The following LRRC41 variants were observed in gnomAD, a reference collection of about 807,000 sequenced individuals.
LRRC41 encodes the protein leucine-rich repeat-containing protein 41.
In LRRC41, 17 loss-of-function variants were observed where a neutral mutation model predicts 72.1. That is an observed-to-expected ratio of 0.24 (90% confidence interval 0.16 to 0.35). The LOEUF is 0.35. Among genes scored for constraint, LRRC41 ranks in the 10% least tolerant of loss-of-function variants. LRRC41 has a pLI of 1.00. For missense variants in LRRC41, 759 were observed against 1,065.0 expected (o/e 0.71, Z 4.00); for synonymous variants, 427 against 431.0 (o/e 0.99, Z 0.11).
chr1:46,284,060 CA>C (rs1164194707), intron 4 of LRRC41: 8 of 152,108 alleles, frequency 5.3e-5, no homozygotes, highest in Non-Finnish European at 5.9e-5. Context: ...GATCTAGTAA[CA>C]AGGAGGACCC....
chr1:46,290,952 T>G (rs1009318725), intron 3 of LRRC41, among the ~76,000 whole-genome samples: 2 of 131,806 alleles, frequency 1.5e-5, no homozygotes, highest in Non-Finnish European at 3.2e-5. Context: ...TTTAAGACAT[T>G]CCTGCTCTGT....
At chr1:46,284,804 T>C (rs1006886862) in intron 4 of LRRC41, among the ~76,000 whole-genome samples, 3 of 152,172 alleles carry the variant, frequency 2.0e-5, no homozygotes, top group Non-Finnish European at 4.4e-5. Flanking sequence ...TTAGTGATCA[T>C]ATAGTAACAC....
chr1:46,278,039 T>A lies in LRRC41; in HGVS notation c.*826A>T. 1 of 1,614,146 alleles carries A rather than the reference T, an allele frequency of 6.2e-7. No homozygotes were observed. Among genetic ancestry groups the A allele is most frequent in the Non-Finnish European group, 8.5e-7 (1 of 1,179,970 alleles). On this transcript the variant is annotated 3_prime_UTR_variant, in exon 10 of 10. Coordinates refer to ENST00000617190, the MANE Select transcript of LRRC41 (RefSeq NM_006369.5). ...ACCCACACAGTAGGGAGATGGGATC[T>A]GTAGTGACTTCAGCTGTGCCTTCTG...
chr1:46,296,140 C>T (rs1255346201), intron 3 of LRRC41, among the ~76,000 whole-genome samples: 2 of 152,178 alleles, frequency 1.3e-5, no homozygotes, highest in East Asian at 1.9e-4. Flanking sequence ...CCTTGCCGGG[C>T]GAGGTGGCTC....
At chr1:46,288,891 C>T (rs1198715436) in intron 3 of LRRC41, among the ~76,000 whole-genome samples, 1 of 152,238 alleles carries the variant, frequency 6.6e-6, no homozygotes, top group Admixed American at 6.5e-5. Flanking sequence ...TCGGTCCTAC[C>T]TCACACTAGC....
intron 3 of LRRC41, among the ~76,000 whole-genome samples, chr1:46,295,882 C>T (rs1375937747): frequency 6.6e-6 from 1 of 152,140 alleles, no homozygotes; most frequent in East Asian, 1.9e-4. Context: ...GTGAATAAGC[C>T]GAAGGAGATG....
At chr1:46,300,475 C>A (rs996634929) in intron 1 of LRRC41, 3 of 152,144 alleles carry the variant, frequency 2.0e-5, no homozygotes, top group Non-Finnish European at 4.4e-5. Flanking sequence ...CCTCGATGTA[C>A]GGGCTGAATG....
At chr1:46,290,186 T>C (rs1169572088) in intron 3 of LRRC41, among the ~76,000 whole-genome samples, 2 of 152,206 alleles carry the variant, frequency 1.3e-5, no homozygotes, top group Non-Finnish European at 2.9e-5. Flanking sequence ...GGTGGGCAGA[T>C]TGCTTGAGTC....
At chr1:46,301,565 G>T (rs1661223964) in intron 1 of LRRC41, among the ~76,000 whole-genome samples, 2 of 151,788 alleles carry the variant, frequency 1.3e-5, no homozygotes, top group South Asian at 4.2e-4. Context: ...CATGGTACTG[G>T]GCTCCACTCC....
chr1:46,292,913 C>T (rs963579061), intron 3 of LRRC41, among the ~76,000 whole-genome samples: 4 of 152,098 alleles, frequency 2.6e-5, no homozygotes, highest in Non-Finnish European at 4.4e-5. Flanking sequence ...CGGCTGGGCA[C>T]GGTGGCTCAC....
At chr1:46,300,130 C>T (rs1183891011) in intron 1 of LRRC41, 1 of 152,068 alleles carries the variant, frequency 6.6e-6, no homozygotes, top group African/African-American at 2.4e-5. Flanking sequence ...GAGTTTGAGA[C>T]TAGCCTGGGC....
intron 4 of LRRC41, chr1:46,284,466 G>A (rs1660844532): frequency 6.6e-6 from 1 of 152,138 alleles, no homozygotes; most frequent in African/African-American, 2.4e-5. Flanking sequence ...ATAAAAATTA[G>A]TTTGAGAAAC....
Position 46,303,564 on chromosome 1 carries a change from C to T in LRRC41, c.-242G>A, listed in dbSNP as rs1661295857. ...TTTCTTAGCAAAGCCTCCTCGGGTG[C>T]AAACATCAGCTACCCCTAACCTCTG... On this transcript the variant is annotated 5_prime_UTR_variant, in exon 1 of 10. Transcript: ENST00000617190. 6.1e-6 allele frequency: 5 copies of T among 818,254 alleles called. No homozygotes were observed. The highest frequency in any genetic ancestry group is 2.8e-5 in the Admixed American group (1 of 35,154). 50.7% of individuals were successfully genotyped at this position (818,254 alleles called of 1,614,324 possible).
At chr1:46,292,068 C>G (rs1488960584) in intron 3 of LRRC41, among the ~76,000 whole-genome samples, 1 of 151,846 alleles carries the variant, frequency 6.6e-6, no homozygotes, top group African/African-American at 2.4e-5. Flanking sequence ...AATCCCAGCA[C>G]TTTGGGAGGC....
chr1:46,279,454 C>T lies in LRRC41; in HGVS notation c.2143+38G>A, dbSNP rs758284605. 6.2e-7 allele frequency: 1 copy of T among 1,614,142 alleles called. No homozygotes were observed. The highest frequency in any genetic ancestry group is 8.5e-7 in the Non-Finnish European group (1 of 1,179,996). ...GTGAGTTTTTAGGTCAAAGGCCTAG[C>T]TCCTTTCCCCTCTCCCTCCCCAGGG... On this transcript the variant is annotated intron_variant, in intron 8 of 9. Coordinates refer to ENST00000617190, the MANE Select transcript of LRRC41 (RefSeq NM_006369.5). The surrounding 1 kb of genome is among the most constrained non-coding windows in gnomAD (Gnocchi z 4.5).
intron 1 of LRRC41, 24 bp downstream of exon 1, chr1:46,303,100 G>T: frequency 7.3e-7 from 1 of 1,369,518 alleles, no homozygotes; most frequent in Non-Finnish European, 9.4e-7. Context: ...TTAGCCAGAG[G>T]TAGCCCCTCA....
rs147166196 is a variant in LRRC41, at chr1:46,302,487, C to T, written c.199+637G>A. On this transcript the variant is annotated intron_variant, in intron 1 of 9. Coordinates refer to ENST00000617190, the MANE Select transcript of LRRC41 (RefSeq NM_006369.5). The surrounding 1 kb of genome is among the most constrained non-coding windows in gnomAD (Gnocchi z 4.7). Reference sequence around the variant, plus strand: ...CCGAGACCCCGGTTGTCGGTTCGCTCCCGTCAGCCCTGGGCCGTCAGACAG... The same window carrying T: ...CCGAGACCCCGGTTGTCGGTTCGCTTCCGTCAGCCCTGGGCCGTCAGACAG... The T allele has an allele frequency of 2.0e-6, 2 of 985,284 alleles. No individual in the cohort carries two copies. Among genetic ancestry groups the T allele is most frequent in the Non-Finnish European group, 1.2e-6 (1 of 829,914 alleles). The allele number at this position is 985,284 out of a possible 1,614,324, so 61.0% of individuals were successfully genotyped here.
In LRRC41 at chr1:46,285,512, C is replaced by G. The variant is rs764886123; in HGVS notation, c.1345G>C (p.Gly449Arg). ...TGTGAAGCTTCCAGTGCTGGAAGCC[C>G]CAGGCAGCTGGGATCTGATCCATCC... The part of the protein sequence containing the change: ...ALDGSDPSCL[G>R]LPALEASQRF... The change falls in exon 4 of 10, where the codon GGG becomes CGG. Residue 449 changes from glycine to arginine, a missense_variant. Gly to Arg is a moderately radical substitution (Grantham distance 125). Coordinates refer to ENST00000617190, the MANE Select transcript of LRRC41 (RefSeq NM_006369.5). This position sits in a 1 kb window ranked among gnomAD's most constrained non-coding sequence, Gnocchi z 5.3. The G allele has an allele frequency of 4.3e-6, 7 of 1,614,132 alleles. No homozygotes were observed. The highest frequency in any genetic ancestry group is 5.9e-6 in the Non-Finnish European group (7 of 1,180,038).
intron 5 of LRRC41, 35 bp from the exon 6 acceptor site, chr1:46,280,595 C>T (rs111660588): frequency 1.2e-6 from 2 of 1,606,518 alleles, no homozygotes. Flanking sequence ...TCCAGCTGGC[C>T]ATCTCTACCT....
Sources: allele counts gnomAD v4.1 joint callset (sites outside exome capture counted in the v4.1 genomes callset), GRCh38; gene constraint gnomAD v4.1.1; non-coding constraint Gnocchi (gnomAD v3.1); transcripts MANE v1.5; gene names NCBI Gene and HGNC (gene_info 2026-07-23, HGNC 2026-07-21).